LAT: variants seen among roughly 807,000 people sequenced by gnomAD.
LAT encodes the protein linker for activation of T-cells family member 1.
In LAT, 12 loss-of-function variants were observed where a neutral mutation model predicts 39.1. That is an observed-to-expected ratio of 0.31 (90% CI 0.20 to 0.50). The LOEUF is 0.50. Among genes scored for constraint, LAT ranks in the 20% least tolerant of loss-of-function variants. The pLI, the probability that LAT is intolerant of heterozygous loss-of-function variation, is 0.98. For missense variants in LAT, 253 were observed against 308.0 expected, an observed-to-expected ratio of 0.82 and a Z score of 1.34; for synonymous variants, 117 against 123.8, an observed-to-expected ratio of 0.95 and a Z score of 0.36.
rs892630475 is a variant in LAT, at chr16:28,985,100, C to T, written c.-318C>T. On this transcript the variant is annotated 5_prime_UTR_variant, in exon 1 of 12. Transcript: ENST00000395456. The surrounding 1 kb of genome is among the most constrained non-coding windows in gnomAD (Gnocchi z 4.6). ...GGGAGGGCGGGCACGGAGAGGCGGG[C>T]GCCGAGGAGGGGCAGGTAGGGCTGG... 43 of 1,427,266 alleles carry T rather than the reference C, an allele frequency of 3.0e-5. No homozygotes were observed. The highest frequency in any genetic ancestry group is 2.7e-4 in the South Asian group (18 of 66,676). The allele number at this position is 1,427,266 out of a possible 1,614,324, so 88.4% of individuals were successfully genotyped here.
In LAT at chr16:28,990,226, G is replaced by C. The variant is rs1253893379; in HGVS notation, c.*45G>C. ...CTGTCCTGGAACCAGGCTTGCCTGG[G>C]ACGGCTGAGCTGGGCAGCTGGAAGT... is the stretch of plus-strand genomic sequence containing the variant. On this transcript the variant is annotated 3_prime_UTR_variant, in exon 12 of 12. Transcript: ENST00000395456. 1 of 699,570 alleles carries C rather than the reference G, an allele frequency of 1.4e-6. No homozygotes were observed. The highest frequency in any genetic ancestry group is 2.6e-6 in the Non-Finnish European group (1 of 384,780). 43.3% of individuals were successfully genotyped at this position (699,570 alleles called of 1,614,324 possible).
rs1965833524 is a variant in LAT at position 28,989,825 on chromosome 16, C to T, written c.608C>T (p.Ala203Val). The T allele has an allele frequency of 3.1e-6, 5 of 1,614,152 alleles. No individual in the cohort carries two copies. Among genetic ancestry groups the T allele is most frequent in the Non-Finnish European group, 3.4e-6 (4 of 1,180,022 alleles). Reference sequence around the variant, plus strand: ...TCCCAGGAACTGCATCCTGGAGCGGCTAAGACTGAGCCTGGTGTGTTCTGC... The same window carrying T: ...TCCCAGGAACTGCATCCTGGAGCGGTTAAGACTGAGCCTGGTGTGTTCTGC... The part of the protein sequence containing the change: ...NVSQELHPGA[A>V]KTEPAALSSQ... The change falls in exon 10 of 12, where the codon GCT (alanine) becomes GTT (valine). Residue 203 changes from alanine (A) to valine (V), a missense_variant. By Grantham distance (64) the Ala-to-Val change is moderately conservative. Coordinates refer to ENST00000395456, the MANE Select transcript of LAT (RefSeq NM_001014987.2).
At chr16:28,987,306 C>A (rs775437104) in intron 8 of LAT, among the ~76,000 whole-genome samples, 1 of 152,186 alleles carries the variant, frequency 6.6e-6, no homozygotes, top group African/African-American at 2.4e-5. Context: ...TATTCTTCAA[C>A]CCTTCCACTG....
In LAT at chr16:28,990,216, G is replaced by A. The variant is rs1286421333; in HGVS notation, c.*35G>A. 3 of 704,226 alleles carry A rather than the reference G, an allele frequency of 4.3e-6. No individual in the cohort carries two copies. The highest frequency in any genetic ancestry group is 2.7e-5 in the East Asian group (1 of 37,114). The allele number at this position is 704,226 out of a possible 1,614,324, so 43.6% of individuals were successfully genotyped here. On this transcript the variant is annotated 3_prime_UTR_variant, in exon 12 of 12. Transcript: ENST00000395456. ...GAGGCCGAGTCTGTCCTGGAACCAG[G>A]CTTGCCTGGGACGGCTGAGCTGGGC...
Position 28,986,055 on chromosome 16 carries a change from G to A in LAT, c.164-80G>A. The A allele has an allele frequency of 7.2e-7, 1 of 1,392,762 alleles. No homozygotes were observed. Among genetic ancestry groups the A allele is most frequent in the Non-Finnish European group, 1.0e-6 (1 of 991,146 alleles). 86.3% of individuals were successfully genotyped at this position (1,392,762 alleles called of 1,614,324 possible). On this transcript the variant is annotated intron_variant, in intron 3 of 11. Coordinates refer to ENST00000395456, the MANE Select transcript of LAT (RefSeq NM_001014987.2). The surrounding 1 kb of genome is among the most constrained non-coding windows in gnomAD (Gnocchi z 5.7). ...TCCCCCAGGCCTGTCCAGGGTGTGG[G>A]GCTTTCAGGGGCTTAGTCTGTTCTT...
chr16:28,988,068 GGTGACAGA>G (rs1965798629), intron 8 of LAT: 1 of 151,840 alleles, frequency 6.6e-6, no homozygotes, highest in African/African-American at 2.4e-5. Flanking sequence ...CTCCAGCCTG[GGTGACAGA>G]GTGAGACCTT....
At position 28,986,855 on chromosome 16, in the gene LAT, C is replaced by G; in HGVS notation, c.455C>G (p.Ala152Gly). 1.9e-6 allele frequency: 3 copies of G among 1,614,128 alleles called. No homozygotes were observed. Among genetic ancestry groups the G allele is most frequent in the Non-Finnish European group, 2.5e-6 (3 of 1,180,004 alleles). ...AGCACTGCTGCCCCATCAGCTCCTG[C>G]ACTCAGCACCCCTGGCATCCGAGAC... Reference protein sequence around the residue: ...ATSTAAPSAPALSTPGIRDSA... With the variant: ...ATSTAAPSAPGLSTPGIRDSA... Residue 152 changes from alanine to glycine, a missense_variant, in exon 8 of 12, where the codon GCA becomes GGA. Physicochemically the swap from Ala to Gly is moderately conservative, Grantham distance 60. Coordinates refer to ENST00000395456, the MANE Select transcript of LAT (RefSeq NM_001014987.2). This position sits in a 1 kb window ranked among gnomAD's most constrained non-coding sequence, Gnocchi z 5.7.
rs781688554 is a variant in LAT at position 28,986,552 on chromosome 16, C to T, written c.323C>T (p.Ala108Val). 105 of 1,611,800 alleles carry T rather than the reference C, an allele frequency of 6.5e-5. No homozygotes were observed. The East Asian group carries it at 1.5e-3, about 23-fold the overall frequency. The part of the protein sequence containing the change: ...RRDSDGANSV[A>V]SYENEEPACE... ...CCTCTCTTTGAAGCCAACAGTGTGG[C>T]GAGCTACGAGAACGAGGGTGCGTCT... The change falls in exon 6 of 12, where the codon GCG (alanine) becomes GTG (valine). Residue 108 changes from alanine to valine, a missense_variant. By Grantham distance (64) the Ala-to-Val change is moderately conservative. Coordinates refer to ENST00000395456, the MANE Select transcript of LAT (RefSeq NM_001014987.2). The surrounding 1 kb of genome is among the most constrained non-coding windows in gnomAD (Gnocchi z 5.7).
chr16:28,987,026 G>A, intron 8 of LAT, 133 bp downstream of exon 8: 1 of 735,904 alleles, frequency 1.4e-6, no homozygotes, highest in Non-Finnish European at 2.2e-6. Flanking sequence ...CTCGGCCTCA[G>A]CCTCCCAAGT....
At position 28,985,690 on chromosome 16, in the gene LAT, C is replaced by T. The variant is rs1242710740; in HGVS notation, c.101-23C>T. On this transcript the variant is annotated intron_variant, in intron 1 of 11. Coordinates refer to ENST00000395456, the MANE Select transcript of LAT (RefSeq NM_001014987.2). This position sits in a 1 kb window ranked among gnomAD's most constrained non-coding sequence, Gnocchi z 4.6. Reference sequence around the variant, plus strand: ...TGCCCTAAGCACCCCCTGTTCCTGCCTCACCAGCCCTCTCTTTCCCAGGCT... The same window carrying T: ...TGCCCTAAGCACCCCCTGTTCCTGCTTCACCAGCCCTCTCTTTCCCAGGCT... The T allele has an allele frequency of 6.2e-7, 1 of 1,613,638 alleles. No individual in the cohort carries two copies. Among genetic ancestry groups the T allele is most frequent in the East Asian group, 2.2e-5 (1 of 44,880 alleles).
chr16:28,985,963 C>A lies in LAT; in HGVS notation c.163+75C>A. 6.5e-7 allele frequency: 1 copy of A among 1,546,958 alleles called. No homozygotes were observed. Among genetic ancestry groups the A allele is most frequent in the Non-Finnish European group, 8.9e-7 (1 of 1,119,316 alleles). On this transcript the variant is annotated intron_variant, in intron 3 of 11. Transcript: ENST00000395456. The surrounding 1 kb of genome is among the most constrained non-coding windows in gnomAD (Gnocchi z 4.6). ...TGGTGTGGGAGTGAGCGTGAACCTT[C>A]AGACTTCCCCTGCCACCTTGGGGCT...
chr16:28,987,018 C>A lies in LAT; in HGVS notation c.493+125C>A, dbSNP rs1401361593. ...CAGTGATCCTCCCAAGTAGGCTACT[C>A]GGCCTCAGCCTCCCAAGTAGCTGAG... On this transcript the variant is annotated intron_variant, in intron 8 of 11. Coordinates refer to ENST00000395456, the MANE Select transcript of LAT (RefSeq NM_001014987.2). 4 of 762,666 alleles carry A rather than the reference C, an allele frequency of 5.2e-6. No homozygotes were observed. In the African/African-American group the frequency reaches 5.3e-5, roughly 10 times the overall value. The allele number at this position is 762,666 out of a possible 1,614,324, so 47.2% of individuals were successfully genotyped here.
chr16:28,984,949 C>T (rs968321712), upstream of LAT: 38 of 1,517,530 alleles, frequency 2.5e-5, no homozygotes, highest in Admixed American at 3.3e-4. Flanking sequence ...GGGTGGCTCC[C>T]GGGCCTCCTC....
At chr16:28,988,175 C>G (rs1383265550) in intron 8 of LAT, 1 of 152,214 alleles carries the variant, frequency 6.6e-6, no homozygotes, top group Non-Finnish European at 1.5e-5. Flanking sequence ...TGTGTTCACT[C>G]ACTAATCTGA....
rs1965849691 is a variant in LAT, at chr16:28,990,777, A to G, written c.*596A>G. On this transcript the variant is annotated 3_prime_UTR_variant, in exon 12 of 12. Coordinates refer to ENST00000395456, the MANE Select transcript of LAT (RefSeq NM_001014987.2). ...GTGGTTCTCAATAAAACAGAACTTA[A>G]AAAATTGTCTAAGTAACTGAAAAAG... 6.5e-6 allele frequency: 1 copy of G among 152,756 alleles called. No individual in the cohort carries two copies. Among genetic ancestry groups the G allele is most frequent in the Non-Finnish European group, 1.5e-5 (1 of 68,506 alleles). The allele number at this position is 152,756 out of a possible 1,614,324, so 9.5% of individuals were successfully genotyped here. A position where few individuals can be genotyped will look rare whatever the true frequency, so the allele number is the denominator to read the frequency against.
intron 8 of LAT, 118 bp downstream of exon 8, chr16:28,987,011 G>A (rs1417921574): frequency 2.4e-6 from 2 of 826,012 alleles, no homozygotes; most frequent in Non-Finnish European, 3.7e-6. Context: ...CTCCCAAGTA[G>A]GCTACTCGGC....
upstream of LAT, chr16:28,984,881 G>C (rs1391276195): frequency 6.5e-7 from 1 of 1,549,696 alleles, no homozygotes; most frequent in East Asian, 2.4e-5. Flanking sequence ...ACGGCTGCCA[G>C]CTGGCAGGTG....
rs960026221 is a variant in LAT, at chr16:28,989,453, G to A, written c.494-74G>A. The stretch of plus-strand genomic sequence containing the variant: ...CGTTGGGGAGCTCTGCATGGCTGAG[G>A]TTGGGGGTTCTCTGGGAACCTGTGG... On this transcript the variant is annotated intron_variant, in intron 8 of 11. Coordinates refer to ENST00000395456, the MANE Select transcript of LAT (RefSeq NM_001014987.2). The A allele has an allele frequency of 1.0e-5, 14 of 1,387,054 alleles. No homozygotes were observed. In the African/African-American group the frequency reaches 1.9e-4, roughly 18 times the overall value. The allele number at this position is 1,387,054 out of a possible 1,614,324, so 85.9% of individuals were successfully genotyped here.
Position 28,986,865 on chromosome 16 carries a change from C to T in LAT, c.465C>T (p.Thr155=), listed in dbSNP as rs188350465. Residue 155 remains threonine (T), a synonymous_variant, in exon 8 of 12, where the codon ACC becomes ACT. Coordinates refer to ENST00000395456, the MANE Select transcript of LAT (RefSeq NM_001014987.2). This position sits in a 1 kb window ranked among gnomAD's most constrained non-coding sequence, Gnocchi z 5.7. ...TAAPSAPALS[T]PGIRDSAFSM... Reference sequence around the variant, plus strand: ...CCCCATCAGCTCCTGCACTCAGCACCCCTGGCATCCGAGACAGTGCCTTCT... The same window carrying T: ...CCCCATCAGCTCCTGCACTCAGCACTCCTGGCATCCGAGACAGTGCCTTCT... The T allele has an allele frequency of 3.7e-6, 6 of 1,614,048 alleles. No homozygotes were observed. The East Asian group carries it at 1.3e-4, about 36-fold the overall frequency.
Sources: allele counts gnomAD v4.1 joint callset (sites outside exome capture counted in the v4.1 genomes callset), GRCh38; gene constraint gnomAD v4.1.1; non-coding constraint Gnocchi (gnomAD v3.1); transcripts MANE v1.5; gene names NCBI Gene and HGNC (gene_info 2026-07-23, HGNC 2026-07-21).